Variants in KRT8 observed in about 807,000 individuals in gnomAD.
KRT8 encodes the protein keratin 8.
In KRT8, 24 loss-of-function variants were observed where a neutral mutation model predicts 43.0. That is an observed-to-expected ratio of 0.56 (90% confidence interval 0.40 to 0.78). The LOEUF (loss-of-function observed/expected upper bound fraction) is 0.78. KRT8 is among the 30% of genes least tolerant of loss of function. KRT8 has a pLI of 0.00. For missense variants in KRT8, 492 were observed against 638.4 expected (o/e 0.77, Z 2.47); for synonymous variants, 214 against 261.2 (o/e 0.82, Z 1.74).
At chr12:52,934,168 G>A (rs1942128903) in intron 2 of KRT8, among the ~76,000 whole-genome samples, 1 of 151,942 alleles carries the variant, frequency 6.6e-6, no homozygotes, top group Non-Finnish European at 1.5e-5. Context: ...GGCGGAGGTT[G>A]CAGTGAGTCG....
At chr12:52,898,183 TAATA>T (rs1237698267) in intron 7 of KRT8, among the ~76,000 whole-genome samples, 1 of 152,104 alleles carries the variant, frequency 6.6e-6, no homozygotes, top group Non-Finnish European at 1.5e-5. Flanking sequence ...TAAATTAAAT[TAATA>T]AATAAAATAA....
chr12:52,899,064 C>T lies in KRT8; in HGVS notation c.982-165G>A, dbSNP rs943041321. On this transcript the variant is annotated intron_variant, in intron 5 of 7. Coordinates refer to ENST00000692008, the Ensembl canonical transcript of KRT8. Reference sequence around the variant, plus strand: ...GCACAGTGGCTCATGCCTGTAATCCCAGCACTTTGGGAGGCCGAGGCGGGC... The same window carrying T: ...GCACAGTGGCTCATGCCTGTAATCCTAGCACTTTGGGAGGCCGAGGCGGGC... 3.7e-5 allele frequency: 25 copies of T among 679,818 alleles called. 1 individual carries two copies. The highest frequency in any genetic ancestry group is 1.4e-4 in the African/African-American group (8 of 56,642). 42.1% of individuals were successfully genotyped at this position (679,818 alleles called of 1,614,324 possible). A position where few individuals can be genotyped will look rare whatever the true frequency, so the allele number is the denominator to read the frequency against.
chr12:52,931,492 C>T (rs1186388242), intron 2 of KRT8, among the ~76,000 whole-genome samples: 1 of 152,134 alleles, frequency 6.6e-6, no homozygotes, highest in Non-Finnish European at 1.5e-5. Flanking sequence ...TATTGGGCAC[C>T]TGCATTCATG....
chr12:52,901,849 G>A lies in KRT8; in HGVS notation c.533+15C>T. ...CACGGTGACTTCAGTTGGGTGGAGG[G>A]TGGGAGTTGCTCACTTGTTCTTGAA... On this transcript the variant is annotated intron_variant, in intron 2 of 7. Coordinates refer to ENST00000692008, the Ensembl canonical transcript of KRT8. 2 of 1,582,296 alleles carry A rather than the reference G, an allele frequency of 1.3e-6. No homozygotes were observed. The highest frequency in any genetic ancestry group is 1.1e-5 in the South Asian group (1 of 90,416).
exon 6 of KRT8, chr12:52,898,819 G>A (rs373365865): frequency 1.4e-5 from 22 of 1,614,014 alleles, no homozygotes; most frequent in East Asian, 6.7e-5. Flanking sequence ...CCTCCAGCTC[G>A]GACAACTTGG....
intron 2 of KRT8, among the ~76,000 whole-genome samples, chr12:52,923,912 AC>A (rs1490274897): frequency 2.1e-5 from 3 of 146,216 alleles, no homozygotes; most frequent in African/African-American, 7.6e-5. Context: ...TGGCATGATC[AC>A]TGCTCGCTGC....
At chr12:52,937,850 T>A (rs1288306475) in intron 2 of KRT8, among the ~76,000 whole-genome samples, 1 of 148,416 alleles carries the variant, frequency 6.7e-6, no homozygotes, top group Non-Finnish European at 1.5e-5. Context: ...TACAAAAAAA[T>A]GTAGCCTGGC....
upstream of KRT8, among the ~76,000 whole-genome samples, chr12:52,907,575 CAG>C (rs1172918397): frequency 6.6e-6 from 1 of 152,220 alleles, no homozygotes; most frequent in Non-Finnish European, 1.5e-5. Context: ...AAGGTGAGGA[CAG>C]AGGGGGTTGC....
intron 2 of KRT8, chr12:52,948,382 G>T (rs1448813317): frequency 1.3e-5 from 2 of 152,322 alleles, no homozygotes; most frequent in Non-Finnish European, 2.9e-5. Flanking sequence ...GCTCCAGGAT[G>T]CCCCCAAGAT....
chr12:52,937,520 TC>T (rs1021668543), intron 2 of KRT8, among the ~76,000 whole-genome samples: 1 of 151,586 alleles, frequency 6.6e-6, no homozygotes, highest in African/African-American at 2.4e-5. Context: ...AAACCCTGTC[TC>T]TACAAAATAT....
chr12:52,927,403 C>T (rs1282713067), intron 2 of KRT8, among the ~76,000 whole-genome samples: 1 of 152,226 alleles, frequency 6.6e-6, no homozygotes, highest in Non-Finnish European at 1.5e-5. Flanking sequence ...GGAGCCTGGA[C>T]ACTTGGAATT....
intron 1 of KRT8, among the ~76,000 whole-genome samples, chr12:52,902,981 C>T (rs2120571014): frequency 6.6e-6 from 1 of 152,202 alleles, no homozygotes; most frequent in South Asian, 2.1e-4. Context: ...CACTGCACTC[C>T]AGCCTGGGCG....
upstream of KRT8, among the ~76,000 whole-genome samples, chr12:52,910,681 T>A (rs538786420): frequency 2.0e-4 from 31 of 152,268 alleles, no homozygotes; most frequent in African/African-American, 6.7e-4. Context: ...GCCCTCATGG[T>A]GTTCAGGCAA....
intron 2 of KRT8, among the ~76,000 whole-genome samples, chr12:52,932,977 C>T (rs530735574): frequency 8.2e-4 from 124 of 152,044 alleles, no homozygotes; most frequent in African/African-American, 3.0e-3. Flanking sequence ...GAAGTCTTGC[C>T]CTGTCACCCA....
At chr12:52,941,478 CTTTTTTT>C (rs774607187) in intron 2 of KRT8, among the ~76,000 whole-genome samples, 1 of 72,574 alleles carries the variant, frequency 1.4e-5, no homozygotes, top group Non-Finnish European at 2.5e-5. Context: ...AGTTTTTGCT[CTTTTTTT>C]TTTTTTTTTT....
chr12:52,949,095 C>T, intron 2 of KRT8: 1 of 1,326,684 alleles, frequency 7.5e-7, no homozygotes. Flanking sequence ...TGCGATATAA[C>T]TCGGGTCGCG....
chr12:52,900,650 G>A (rs956875541), exon 4 of KRT8: 3 of 1,613,242 alleles, frequency 1.9e-6, no homozygotes, highest in Middle Eastern at 3.3e-4. Flanking sequence ...CGAGACTCCA[G>A]CTCTACCTTG....
intron 2 of KRT8, among the ~76,000 whole-genome samples, chr12:52,922,571 G>T (rs1941910878): frequency 2.0e-5 from 3 of 152,194 alleles, no homozygotes; most frequent in Admixed American, 2.0e-4. Flanking sequence ...TACTCGGGAG[G>T]CTGAGGCAGG....
chr12:52,906,392 G>A (rs758787015), upstream of KRT8: 4 of 265,696 alleles, frequency 1.5e-5, no homozygotes, highest in Admixed American at 4.7e-5. Flanking sequence ...TGTGGCACTC[G>A]TGGTGCTACC....
Sources: allele counts gnomAD v4.1 joint callset (sites outside exome capture counted in the v4.1 genomes callset), GRCh38; gene constraint gnomAD v4.1.1; transcripts MANE v1.5; gene names NCBI Gene and HGNC (gene_info 2026-07-23, HGNC 2026-07-21).